Variants in PSEN1 observed in about 807,000 individuals in gnomAD.
The protein encoded by PSEN1 is presenilin-1.
Under a neutral mutation model 53.5 loss-of-function variants are expected in PSEN1, and 15 were observed. The observed-to-expected ratio is 0.28, with a 90% CI of 0.19 to 0.43. PSEN1 has a LOEUF of 0.43. PSEN1 is among the 20% of genes least tolerant of loss of function. PSEN1 has a pLI of 1.00. For missense variants in PSEN1, 387 were observed against 571.2 expected, an observed-to-expected ratio of 0.68 and a Z score of 3.29; for synonymous variants, 208 against 209.8, an observed-to-expected ratio of 0.99 and a Z score of 0.08.
chr14:73,162,444 C>T (rs1054111926), intron 3 of PSEN1, among the ~76,000 whole-genome samples: 4 of 141,966 alleles, frequency 2.8e-5, no homozygotes, highest in African/African-American at 5.1e-5. Flanking sequence ...CGCTCGCTCG[C>T]GCGCTCTCTC....
rs376992376 is a variant in PSEN1, at chr14:73,156,257, G to A, written c.87+8151G>A. ...TATAGTCCCAGGTACTTGGGAGGCT[G>A]AGGTCGGAGGATGACTTGAGCCTGT... is the stretch of plus-strand genomic sequence containing the variant. On this transcript the variant is annotated intron_variant, in intron 3 of 11. Coordinates refer to ENST00000324501, the MANE Select transcript of PSEN1 (RefSeq NM_000021.4). Among the ~76,000 whole-genome samples the A allele has an allele frequency of 1.4e-4, 21 of 152,156 alleles. No homozygotes were observed. The East Asian group carries it at 3.7e-3, about 27-fold the overall frequency.
chr14:73,174,024 A>G (rs1897972411), intron 5 of PSEN1: 5 of 532,538 alleles, frequency 9.4e-6, no homozygotes, highest in Non-Finnish European at 1.7e-5. Context: ...AGTATTTTAT[A>G]TGCATGGAAT....
chr14:73,159,668 GGTCA>G (rs1897469677), intron 3 of PSEN1, among the ~76,000 whole-genome samples: 1 of 152,172 alleles, frequency 6.6e-6, no homozygotes, highest in Non-Finnish European at 1.5e-5. Context: ...ATCAGTCATG[GGTCA>G]AAGGCTGTTC....
At chr14:73,137,640 AGT>A (rs1166901246) in intron 1 of PSEN1, among the ~76,000 whole-genome samples, 3 of 152,202 alleles carry the variant, frequency 2.0e-5, no homozygotes, top group Non-Finnish European at 4.4e-5. Context: ...GAGGAGAATG[AGT>A]GTGGTTGGAG....
At chr14:73,218,730 G>T (rs1252862303) in intron 11 of PSEN1, among the ~76,000 whole-genome samples, 1 of 125,612 alleles carries the variant, frequency 8.0e-6, no homozygotes, top group Non-Finnish European at 1.6e-5. Flanking sequence ...GAATGCCCCC[G>T]CACAGCATAG....
chr14:73,183,916 C>T (rs1464555067), intron 5 of PSEN1, among the ~76,000 whole-genome samples: 1 of 148,232 alleles, frequency 6.7e-6, no homozygotes, highest in Non-Finnish European at 1.5e-5. Context: ...GGCGGCTGGC[C>T]GGGCGGGGGG....
chr14:73,160,803 CTTTTTTTTTTTT>C (rs34048372), intron 3 of PSEN1, among the ~76,000 whole-genome samples: 1 of 84,730 alleles, frequency 1.2e-5, no homozygotes, highest in South Asian at 3.9e-4. Flanking sequence ...AATTGTAGGA[CTTTTTTTTTTTT>C]TTTTTTTTTT....
At chr14:73,206,138 A>G in intron 8 of PSEN1, 1 of 496,368 alleles carries the variant, frequency 2.0e-6, no homozygotes, top group South Asian at 2.2e-5. Flanking sequence ...TCAGGGACTA[A>G]AAATGATGAA....
chr14:73,199,758 G>A (rs919562595), intron 8 of PSEN1, among the ~76,000 whole-genome samples: 7 of 152,086 alleles, frequency 4.6e-5, no homozygotes, highest in Admixed American at 2.6e-4. Flanking sequence ...GGTTTGTTTT[G>A]TTTTGGAGAC....
At chr14:73,137,814 T>A (rs1040123079) in intron 1 of PSEN1, among the ~76,000 whole-genome samples, 1 of 152,116 alleles carries the variant, frequency 6.6e-6, no homozygotes, top group Non-Finnish European at 1.5e-5. Context: ...CCCGGGGCGG[T>A]GGCTCACGCC....
At chr14:73,155,756 C>T (rs753956530) in intron 3 of PSEN1, among the ~76,000 whole-genome samples, 16 of 152,014 alleles carry the variant, frequency 1.1e-4, no homozygotes, top group South Asian at 4.2e-4. Flanking sequence ...TGGGCTCAAG[C>T]GATTCTCCCG....
chr14:73,180,734 C>T lies in PSEN1; in HGVS notation c.481-6119C>T, dbSNP rs144157631. Among the ~76,000 whole-genome samples, 6 of 152,196 alleles carry T rather than the reference C, an allele frequency of 3.9e-5. No homozygotes were observed. In the East Asian group the frequency reaches 9.6e-4, roughly 24 times the overall value. On this transcript the variant is annotated intron_variant, in intron 5 of 11. Transcript: ENST00000324501. ...ACAGCAGGGCTGTTTTCTTTCATAC[C>T]CTTTAGCACAGGAAAGCTGAACTAG...
At chr14:73,184,849 C>T (rs1898424208) in intron 5 of PSEN1, among the ~76,000 whole-genome samples, 3 of 145,410 alleles carry the variant, frequency 2.1e-5, no homozygotes, top group Admixed American at 1.4e-4. Flanking sequence ...ACTTCCCAGA[C>T]GGGGCGGCTG....
chr14:73,147,205 C>T (rs912908943), intron 1 of PSEN1, among the ~76,000 whole-genome samples: 5 of 152,128 alleles, frequency 3.3e-5, no homozygotes, highest in Non-Finnish European at 7.4e-5. Context: ...AGGCTGGTTT[C>T]GAACTCCTGA....
At chr14:73,156,302 G>C (rs1296474408) in intron 3 of PSEN1, among the ~76,000 whole-genome samples, 2 of 151,918 alleles carry the variant, frequency 1.3e-5, no homozygotes, top group African/African-American at 4.8e-5. Context: ...GTTGCAGTGA[G>C]CAGTGATCAT....
At chr14:73,152,552 A>G (rs1897258534) in intron 3 of PSEN1, among the ~76,000 whole-genome samples, 1 of 151,688 alleles carries the variant, frequency 6.6e-6, no homozygotes, top group African/African-American at 2.4e-5. Flanking sequence ...GGTTGCAGTG[A>G]GCTGAGATTG....
intron 8 of PSEN1, among the ~76,000 whole-genome samples, chr14:73,204,016 G>C (rs1899339828): frequency 6.6e-6 from 1 of 151,880 alleles, no homozygotes. Flanking sequence ...TTATTTTTTT[G>C]AGACAGAGTT....
At chr14:73,199,634 A>G (rs1440751316) in intron 8 of PSEN1, among the ~76,000 whole-genome samples, 1 of 152,246 alleles carries the variant, frequency 6.6e-6, no homozygotes, top group Non-Finnish European at 1.5e-5. Flanking sequence ...TGCTAAGTCA[A>G]AGGATGTATT....
At chr14:73,214,728 C>T (rs191233062) in intron 10 of PSEN1, among the ~76,000 whole-genome samples, 1 of 152,122 alleles carries the variant, frequency 6.6e-6, no homozygotes, top group East Asian at 1.9e-4. Context: ...TGTATGATTC[C>T]ACTTACATCA....
Sources: gnomAD v4.1 joint callset for allele counts (sites outside exome capture counted in the v4.1 genomes callset) on GRCh38, gnomAD v4.1.1 for gene constraint, MANE v1.5 for transcripts, NCBI Gene and HGNC (gene_info 2026-07-23, HGNC 2026-07-21) for gene names.